The following SRSF1 variants were observed in gnomAD, a reference collection of about 807,000 sequenced individuals.
SRSF1 encodes serine and arginine rich splicing factor 1.
SRSF1 carries 1 observed loss-of-function variant against 25.9 expected under a neutral mutation model. The observed-to-expected ratio is 0.04, with a 90% CI of 0.01 to 0.18. SRSF1 has a LOEUF of 0.18. SRSF1 is among the 10% of genes least tolerant of loss of function. The probability of loss-of-function intolerance (pLI) is 1.00; values close to 1 mark genes in which losing one functional copy is unlikely to be tolerated. For synonymous variants in SRSF1, 132 were observed against 126.2 expected (o/e 1.05, Z -0.31); for missense variants, 65 against 350.5 (o/e 0.19, Z 6.50).
At chr17:57,993,567 A>T in the SRSF1 span, 2 of 152,252 alleles carry the variant, frequency 1.3e-5, no homozygotes, top group Admixed American at 6.5e-5. Flanking sequence ...CTGTCCACAA[A>T]TACTACTTGA....
At position 58,004,226 on chromosome 17, in the gene SRSF1, C is replaced by T. The variant is rs558844941; in HGVS notation, c.*1180G>A. Reference sequence around the variant, plus strand: ...GAAGCATTTTGTATTTACAGTTCAACTGATAATGCCAACACTTGTTACTGT... The same window carrying T: ...GAAGCATTTTGTATTTACAGTTCAATTGATAATGCCAACACTTGTTACTGT... On this transcript the variant is annotated 3_prime_UTR_variant, in exon 4 of 4. Coordinates refer to ENST00000258962, the MANE Select transcript of SRSF1 (RefSeq NM_006924.5). 6.5e-6 allele frequency: 1 copy of T among 152,730 alleles called. No homozygotes were observed. Among genetic ancestry groups the T allele is most frequent in the Admixed American group, 6.5e-5 (1 of 15,300 alleles). The allele number at this position is 152,730 out of a possible 1,614,324, so 9.5% of individuals were successfully genotyped here. A position where few individuals can be genotyped will look rare whatever the true frequency, so the allele number is the denominator to read the frequency against.
At chr17:57,992,893 T>A in the SRSF1 span, 1 of 152,300 alleles carries the variant, frequency 6.6e-6, no homozygotes, top group East Asian at 1.9e-4. Flanking sequence ...CTATGCAGTA[T>A]ACTCCCTGGG....
chr17:58,005,139 CAGAT>C lies in SRSF1; in HGVS notation c.*263_*266del. The C allele has an allele frequency of 1.9e-6, 1 of 516,914 alleles. No individual in the cohort carries two copies. The highest frequency in any genetic ancestry group is 3.4e-5 in the South Asian group (1 of 29,036). 32.0% of individuals were successfully genotyped at this position (516,914 alleles called of 1,614,324 possible). A position where few individuals can be genotyped will look rare whatever the true frequency, so the allele number is the denominator to read the frequency against. On this transcript the variant is annotated 3_prime_UTR_variant, in exon 4 of 4. Coordinates refer to ENST00000258962, the MANE Select transcript of SRSF1 (RefSeq NM_006924.5). This position sits in a 1 kb window ranked among gnomAD's most constrained non-coding sequence, Gnocchi z 5.2. ...ACATCCCAGTTCACACAAACCAGGG[CAGAT>C]AGACATTTACACAATATCACAGTCT... is the stretch of plus-strand genomic sequence containing the variant.
chr17:58,006,968 G>A lies in SRSF1; in HGVS notation c.170C>T (p.Ala57Val). ...LKNRRGGPPF[A>V]FVEFEDPRDA... The stretch of plus-strand genomic sequence containing the variant: ...CCGCGGGTCCTCGAACTCAACGAAG[G>A]CGAAGGGCGGTCCCCCGCGGCGATT... Residue 57 changes from alanine (A) to valine (V), a missense_variant, in exon 1 of 4, where the codon GCC becomes GTC. Physicochemically the swap from Ala to Val is moderately conservative, Grantham distance 64. Around this residue, in one of 2 missense-constraint regions of SRSF1, gnomAD observed 63 missense variants for 284.8 expected, o/e 0.22. Transcript: ENST00000258962. 6.2e-7 allele frequency: 1 copy of A among 1,614,272 alleles called. No individual in the cohort carries two copies. The highest frequency in any genetic ancestry group is 8.5e-7 in the Non-Finnish European group (1 of 1,180,056).
the SRSF1 span, chr17:57,991,010 GAAAT>G: frequency 6.6e-6 from 1 of 152,208 alleles, no homozygotes; most frequent in Non-Finnish European, 1.5e-5. Context: ...TAACAGATGT[GAAAT>G]AAATATTTTT....
downstream of SRSF1, among the ~76,000 whole-genome samples, chr17:57,996,988 G>A (rs1469920585): frequency 6.6e-6 from 1 of 152,092 alleles, no homozygotes; most frequent in Non-Finnish European, 1.5e-5. Context: ...AAATATGCAG[G>A]AATTCTCATT....
intron 1 of SRSF1, 132 bp downstream of exon 1, chr17:58,006,812 G>T: frequency 2.6e-6 from 3 of 1,149,666 alleles, no homozygotes; most frequent in Non-Finnish European, 3.7e-6. Flanking sequence ...CTCGACTCCT[G>T]CATGGGCGAT....
intron 1 of SRSF1, 155 bp from the exon 2 acceptor site, chr17:58,006,682 G>T (rs1028914931): frequency 5.1e-6 from 5 of 974,258 alleles, no homozygotes; most frequent in Middle Eastern, 6.7e-4. Flanking sequence ...CCAGAAACAC[G>T]CCAGGCTCCC....
Position 58,003,064 on chromosome 17 carries a change from T to C in SRSF1, c.*2342A>G, listed in dbSNP as rs558098529. ...TGTGCTGATGTTAACATTTAATACT[T>C]ACCTTTTTTTGAGATGAGTTTCATT... On this transcript the variant is annotated 3_prime_UTR_variant, in exon 4 of 4. Transcript: ENST00000258962. Among the ~76,000 whole-genome samples, 83 of 152,336 alleles carry C rather than the reference T, an allele frequency of 5.4e-4. No individual in the cohort carries two copies. The highest frequency in any genetic ancestry group is 9.3e-4 in the Non-Finnish European group (63 of 68,028).
At chr17:58,006,603 C>A in intron 1 of SRSF1, 76 bp from the exon 2 acceptor site, 3 of 1,473,668 alleles carry the variant, frequency 2.0e-6, no homozygotes, top group Non-Finnish European at 1.8e-6. Flanking sequence ...CCAGCAAACC[C>A]CCCGCACATG....
At chr17:57,997,319 T>C (rs997832643), downstream of SRSF1, among the ~76,000 whole-genome samples, 1 of 152,204 alleles carries the variant, frequency 6.6e-6, no homozygotes, top group Non-Finnish European at 1.5e-5. Flanking sequence ...TTAAAATACC[T>C]TCTCCAATAA....
chr17:57,999,388 C>A (rs2075376966), downstream of SRSF1, among the ~76,000 whole-genome samples: 1 of 152,150 alleles, frequency 6.6e-6, no homozygotes, highest in Non-Finnish European at 1.5e-5. Context: ...ACAAGGTAGG[C>A]AGAAAAACAA....
At chr17:58,006,240 G>T in intron 2 of SRSF1, 103 bp downstream of exon 2, 1 of 1,383,840 alleles carries the variant, frequency 7.2e-7, no homozygotes, top group Non-Finnish European at 9.9e-7. Flanking sequence ...AGCAATTTAA[G>T]ACCTAGCATG....
chr17:58,005,167 C>G lies in SRSF1; in HGVS notation c.*239G>C, dbSNP rs1428218871. 1.8e-6 allele frequency: 1 copy of G among 569,626 alleles called. No homozygotes were observed. The highest frequency in any genetic ancestry group is 3.1e-6 in the Non-Finnish European group (1 of 323,402). 35.3% of individuals were successfully genotyped at this position (569,626 alleles called of 1,614,324 possible). On this transcript the variant is annotated 3_prime_UTR_variant, in exon 4 of 4. Coordinates refer to ENST00000258962, the MANE Select transcript of SRSF1 (RefSeq NM_006924.5). The surrounding 1 kb of genome is among the most constrained non-coding windows in gnomAD (Gnocchi z 5.2). ...ATAGACATTTACACAATATCACAGT[C>G]TGAAGAGTATGGAGTTAACTAAATT...
At chr17:57,989,368 T>G in the SRSF1 span, 1 of 398,328 alleles carries the variant, frequency 2.5e-6, no homozygotes, top group Non-Finnish European at 4.4e-6. Flanking sequence ...TCAGTGATAT[T>G]TTTATAAACT....
chr17:57,989,400 C>A, the SRSF1 span: 1 of 398,012 alleles, frequency 2.5e-6, no homozygotes, highest in Non-Finnish European at 4.4e-6. Context: ...AAAAATTCTT[C>A]AGATGGACGC....
downstream of SRSF1, among the ~76,000 whole-genome samples, chr17:57,996,483 T>TAAAAAAAAAAAAAA (rs10677825): frequency 1.4e-5 from 1 of 72,386 alleles, no homozygotes; most frequent in African/African-American, 5.6e-5. Flanking sequence ...GACACTGTCT[T>TAAAAAAAAAAAAAA]AAAAAAAAAA....
At position 58,001,919 on chromosome 17, in the gene SRSF1, A is replaced by T. The variant is rs1390293094; in HGVS notation, c.*3487T>A. On this transcript the variant is annotated 3_prime_UTR_variant, in exon 4 of 4. Transcript: ENST00000258962. ...ATTTCAATGTGAGGTTAGAATTACT[A>T]TAACTTTTAGTAGAGCACATCTTTC... is the stretch of plus-strand genomic sequence containing the variant. Among the ~76,000 whole-genome samples the T allele has an allele frequency of 1.3e-5, 2 of 152,234 alleles. No individual in the cohort carries two copies. The highest frequency in any genetic ancestry group is 2.9e-5 in the Non-Finnish European group (2 of 68,024).
chr17:58,000,902 C>T (rs2075384967), downstream of SRSF1, among the ~76,000 whole-genome samples: 1 of 152,124 alleles, frequency 6.6e-6, no homozygotes, highest in Non-Finnish European at 1.5e-5. Context: ...ACACTAAGTG[C>T]AAAATGAAGG....
Sources: gnomAD v4.1 joint callset for allele counts (sites outside exome capture counted in the v4.1 genomes callset) on GRCh38, gnomAD v4.1.1 for gene constraint, gnomAD v4.1.1 regional missense constraint, Gnocchi (gnomAD v3.1) non-coding constraint, MANE v1.5 for transcripts, NCBI Gene and HGNC (gene_info 2026-07-23, HGNC 2026-07-21) for gene names.